The following CSF1R variants were observed in gnomAD, a reference collection of about 807,000 sequenced individuals.
CSF1R encodes macrophage colony-stimulating factor 1 receptor.
A neutral mutation model predicts 110.0 loss-of-function variants in CSF1R; 40 were observed. The observed-to-expected ratio is 0.36, with a 90% confidence interval of 0.28 to 0.47. The LOEUF is 0.47. Among genes scored for constraint, CSF1R ranks in the 20% least tolerant of loss-of-function variants. The probability of loss-of-function intolerance (pLI) is 0.99; values close to 1 mark genes in which losing one functional copy is unlikely to be tolerated. For missense variants in CSF1R, 1,052 were observed against 1,253.0 expected, an observed-to-expected ratio of 0.84 and a Z score of 2.42; for synonymous variants, 523 against 503.4, an observed-to-expected ratio of 1.04 and a Z score of -0.52.
At chr5:150,058,980 CTCTG>C (rs1225147841) in intron 14 of CSF1R, among the ~76,000 whole-genome samples, 2 of 152,160 alleles carry the variant, frequency 1.3e-5, no homozygotes, top group African/African-American at 4.8e-5. Flanking sequence ...CCCCATGTGG[CTCTG>C]TCTGTTGGAT....
intron 14 of CSF1R, among the ~76,000 whole-genome samples, chr5:150,058,546 C>G (rs1757356918): frequency 1.3e-5 from 2 of 152,220 alleles, no homozygotes; most frequent in Admixed American, 6.5e-5. Context: ...ATTACCCACT[C>G]TGGGAATACT....
intron 1 of CSF1R, among the ~76,000 whole-genome samples, chr5:150,085,286 A>AAACAAAAAAAC (rs1554104537): frequency 4.7e-5 from 7 of 148,806 alleles, no homozygotes; most frequent in East Asian, 3.9e-4. Context: ...GGAAAAAAAA[A>AAACAAAAAAAC]AAAAAAACCC....
chr5:150,113,353 G>T (rs924789099), exon 1 of CSF1R: 7 of 153,784 alleles, frequency 4.6e-5, no homozygotes, highest in East Asian at 3.8e-4. Flanking sequence ...TCACGCTTTT[G>T]GACACTCTGT....
chr5:150,061,982 C>T, intron 10 of CSF1R, 133 bp from the exon 11 acceptor site: 3 of 1,228,080 alleles, frequency 2.4e-6, no homozygotes, highest in Non-Finnish European at 2.3e-6. Context: ...AAGGCCTGCT[C>T]TGGGCTGAGA....
At position 150,077,370 on chromosome 5, in the gene CSF1R, G is replaced by C. The variant is rs377406801; in HGVS notation, c.795C>G (p.Leu265=). 9.3e-6 allele frequency: 15 copies of C among 1,614,078 alleles called. No individual in the cohort carries two copies. The highest frequency in any genetic ancestry group is 1.1e-5 in the Non-Finnish European group (13 of 1,180,046). The change falls in exon 5 of 21, where the codon CTC becomes CTG. Residue 265 remains leucine, a synonymous_variant. Coordinates refer to ENST00000675795, the MANE Select transcript of CSF1R (RefSeq NM_001288705.3). The part of the protein sequence containing the change: ...NRYQKVLTLN[L]DQVDFQHAGN... ...CGGCATGTTGGAAATCTACTTGATC[G>C]AGGTTGAGGGTCAGGACTTTTTGGT...
chr5:150,077,073 C>A, intron 5 of CSF1R: 1 of 675,788 alleles, frequency 1.5e-6, no homozygotes, highest in Non-Finnish European at 2.6e-6. Context: ...ACTGTAAGAG[C>A]TCCAAGATGG....
At chr5:150,103,851 T>G (rs1759472113) in intron 1 of CSF1R, among the ~76,000 whole-genome samples, 1 of 152,146 alleles carries the variant, frequency 6.6e-6, no homozygotes, top group African/African-American at 2.4e-5. Context: ...TAAGAGTACC[T>G]GACAACCTGG....
chr5:150,080,133 G>A lies in CSF1R; in HGVS notation c.511C>T (p.Gln171Ter). The change falls in exon 3 of 21, where the codon CAG becomes TAG. Residue 171 changes from glutamine (Q) to a stop codon, truncating the protein, a stop_gained. Transcript: ENST00000675795. LOFTEE classifies it high-confidence loss of function. ...GFTIHRAKFI[Q>*]SQDYQCSALM... Reference sequence around the variant, plus strand: ...GCACTGCATTGATAGTCCTGGCTCTGAATGAACTTGGCCCTGTGGATGGTG... The same window carrying A: ...GCACTGCATTGATAGTCCTGGCTCTAAATGAACTTGGCCCTGTGGATGGTG... 1 of 1,614,156 alleles carries A rather than the reference G, an allele frequency of 6.2e-7. No homozygotes were observed. The highest frequency in any genetic ancestry group is 8.5e-7 in the Non-Finnish European group (1 of 1,180,046).
chr5:150,092,521 G>C (rs925198015), intron 1 of CSF1R, among the ~76,000 whole-genome samples: 1 of 152,174 alleles, frequency 6.6e-6, no homozygotes, highest in African/African-American at 2.4e-5. Flanking sequence ...AAGGAAAGGA[G>C]GTTTAATTGA....
At chr5:150,108,400 A>C (rs1293430130) in intron 1 of CSF1R, among the ~76,000 whole-genome samples, 2 of 152,250 alleles carry the variant, frequency 1.3e-5, no homozygotes, top group Non-Finnish European at 2.9e-5. Context: ...CACAAGGTGG[A>C]TGGACCTTGG....
chr5:150,069,735 C>G, intron 9 of CSF1R, 138 bp downstream of exon 9: 1 of 778,870 alleles, frequency 1.3e-6, no homozygotes. Context: ...GAGAGGTGGA[C>G]CTTGGTACTG....
chr5:150,060,282 G>A (rs554001780), intron 13 of CSF1R, among the ~76,000 whole-genome samples: 120 of 149,634 alleles, frequency 8.0e-4, no homozygotes, highest in African/African-American at 2.8e-3. Context: ...AGCCGAGATC[G>A]CACCACTGCA....
chr5:150,059,195 C>T (rs574526277), intron 14 of CSF1R, among the ~76,000 whole-genome samples: 14 of 152,306 alleles, frequency 9.2e-5, no homozygotes, highest in South Asian at 4.1e-4. Flanking sequence ...TAGGCATGCG[C>T]CACCACGCCC....
intron 18 of CSF1R, among the ~76,000 whole-genome samples, chr5:150,055,598 C>G (rs1465136608): frequency 1.3e-5 from 2 of 152,198 alleles, no homozygotes; most frequent in African/African-American, 4.8e-5. Flanking sequence ...AGCTGTGTAT[C>G]GTTAAAGTGT....
chr5:150,068,294 G>A lies in CSF1R; in HGVS notation c.1547C>T (p.Thr516Ile), dbSNP rs201012043. ...GGACATGCAGGCGACCACCACTGGT[G>A]TGAAGAGGAACTCATCCGGGGGATG... ...HTHPPDEFLF[T>I]PVVVACMSIM... The change falls in exon 10 of 21, where the codon ACA becomes ATA. Residue 516 changes from threonine (T) to isoleucine (I), a missense_variant. By Grantham distance (89) the Thr-to-Ile change is moderately conservative. Transcript: ENST00000675795. 2.5e-6 allele frequency: 4 copies of A among 1,613,048 alleles called. No homozygotes were observed. In the African/African-American group the frequency reaches 5.3e-5, roughly 21 times the overall value.
At chr5:150,057,634 T>TCACTG (rs780417451) in intron 14 of CSF1R, 42 bp from the exon 15 acceptor site, 4 of 1,457,660 alleles carry the variant, frequency 2.7e-6, no homozygotes, top group South Asian at 2.3e-5. Context: ...TCACTCATCA[T>TCACTG]CACTGCACTG....
chr5:150,056,672 C>A (rs962746734), intron 16 of CSF1R, among the ~76,000 whole-genome samples: 31 of 152,238 alleles, frequency 2.0e-4, no homozygotes, highest in Non-Finnish European at 2.9e-4. Context: ...ACCGTTACTT[C>A]TGATCATAGC....
In CSF1R at chr5:150,070,506, G is replaced by C; in HGVS notation, c.1148C>G (p.Ala383Gly). ...PSEAGRYSFL[A>G]RNPGGWRALT... ...AGCTCTCCAGCCTCCTGGGTTTCTGGCCAGGAAGGAGTAGCGGCCAGCCTC... is the reference window on the plus strand; with the variant it reads ...AGCTCTCCAGCCTCCTGGGTTTCTGCCCAGGAAGGAGTAGCGGCCAGCCTC... Residue 383 changes from alanine to glycine, a missense_variant, in exon 7 of 21, where the codon GCC becomes GGC. Physicochemically the swap from Ala to Gly is moderately conservative, Grantham distance 60. Around this residue, in one of 5 missense-constraint regions of CSF1R, gnomAD observed 693 missense variants for 735.4 expected, o/e 0.94. Transcript: ENST00000675795. 1 of 1,557,548 alleles carries C rather than the reference G, an allele frequency of 6.4e-7. No homozygotes were observed. Among genetic ancestry groups the C allele is most frequent in the African/African-American group, 1.4e-5 (1 of 73,476 alleles).
chr5:150,075,466 G>A (rs1076869), intron 5 of CSF1R, among the ~76,000 whole-genome samples: 38,398 of 152,106 alleles, frequency 0.25, 8,428 homozygotes, highest in African/African-American at 0.58. Flanking sequence ...GCACAGTCCC[G>A]CTGCAGGATG....
Sources: gnomAD v4.1 joint callset for allele counts (sites outside exome capture counted in the v4.1 genomes callset) on GRCh38, gnomAD v4.1.1 for gene constraint, gnomAD v4.1.1 regional missense constraint, MANE v1.5 for transcripts, NCBI Gene and HGNC (gene_info 2026-07-23, HGNC 2026-07-21) for gene names.